FOXN3: variants seen among roughly 807,000 people sequenced by gnomAD.
FOXN3 encodes forkhead box protein N3.
In FOXN3, 7 loss-of-function variants were observed where a neutral mutation model predicts 38.4. That is an observed-to-expected ratio of 0.18 (90% CI 0.10 to 0.34). The LOEUF (loss-of-function observed/expected upper bound fraction) is 0.34, where lower values mean the gene tolerates loss of function less well. Among genes scored for constraint, FOXN3 ranks in the 10% least tolerant of loss-of-function variants. The probability of loss-of-function intolerance (pLI) is 1.00; values close to 1 mark genes in which losing one functional copy is unlikely to be tolerated. For synonymous variants in FOXN3, 230 were observed against 242.2 expected, an observed-to-expected ratio of 0.95 and a Z score of 0.47; for missense variants, 456 against 613.4, an observed-to-expected ratio of 0.74 and a Z score of 2.71.
chr14:89,601,664 T>C (rs779733855), intron 1 of FOXN3, among the ~76,000 whole-genome samples: 5 of 152,228 alleles, frequency 3.3e-5, no homozygotes, highest in Non-Finnish European at 5.9e-5. Flanking sequence ...ATTCCTCTGC[T>C]TGTTGATATG....
At chr14:89,452,434 A>T (rs1892632112) in intron 1 of FOXN3, among the ~76,000 whole-genome samples, 1 of 152,160 alleles carries the variant, frequency 6.6e-6, no homozygotes, top group Non-Finnish European at 1.5e-5. Flanking sequence ...ACCGTCATCG[A>T]CCATCACAGG....
intron 4 of FOXN3, among the ~76,000 whole-genome samples, chr14:89,280,111 C>T (rs1202818586): frequency 6.6e-6 from 1 of 152,170 alleles, no homozygotes; most frequent in Non-Finnish European, 1.5e-5. Context: ...TGACTCCTAG[C>T]CAATCAACAG....
intron 5 of FOXN3, among the ~76,000 whole-genome samples, chr14:89,179,177 G>A (rs1221079838): frequency 6.6e-6 from 1 of 152,188 alleles, no homozygotes; most frequent in Admixed American, 6.5e-5. Flanking sequence ...TGTATTTTTG[G>A]AAAATATCCC....
chr14:89,428,225 T>A, intron 1 of FOXN3, among the ~76,000 whole-genome samples: 1 of 152,224 alleles, frequency 6.6e-6, no homozygotes, highest in East Asian at 1.9e-4. Context: ...CACAAAGTTC[T>A]TTTTTGGAGA....
intron 1 of FOXN3, among the ~76,000 whole-genome samples, chr14:89,525,916 T>C (rs764065377): frequency 2.6e-5 from 4 of 151,804 alleles, no homozygotes; most frequent in Non-Finnish European, 5.9e-5. Flanking sequence ...TAAAAGATAA[T>C]ACATGGCCAA....
intron 1 of FOXN3, among the ~76,000 whole-genome samples, chr14:89,498,442 C>T (rs904328135): frequency 6.6e-6 from 1 of 151,802 alleles, no homozygotes; most frequent in African/African-American, 2.4e-5. Context: ...AGGATGGTCT[C>T]GATCCCCTAA....
intron 1 of FOXN3, among the ~76,000 whole-genome samples, chr14:89,518,723 C>G (rs1894258127): frequency 6.6e-6 from 1 of 152,152 alleles, no homozygotes. Context: ...GGAATCAGGT[C>G]TTAAAGAATA....
chr14:89,573,020 G>C (rs974283712), intron 1 of FOXN3, among the ~76,000 whole-genome samples: 4 of 152,180 alleles, frequency 2.6e-5, no homozygotes, highest in Non-Finnish European at 5.9e-5. Context: ...TTAGACCCTA[G>C]AGCAGGGCTG....
chr14:89,565,176 A>AGACTGGG (rs1164542475), intron 1 of FOXN3, among the ~76,000 whole-genome samples: 8 of 151,770 alleles, frequency 5.3e-5, no homozygotes, highest in African/African-American at 1.9e-4. Flanking sequence ...ATGGAGGCAG[A>AGACTGGG]GACTGGGGTT....
intron 3 of FOXN3, among the ~76,000 whole-genome samples, chr14:89,334,050 A>AC (rs1566959398): frequency 5.0e-5 from 5 of 99,368 alleles, no homozygotes; most frequent in Non-Finnish European, 4.7e-5. Context: ...CACACACACA[A>AC]AGGAATATTA....
At chr14:89,401,620 T>C (rs1019044835) in intron 2 of FOXN3, 1 of 455,898 alleles carries the variant, frequency 2.2e-6, no homozygotes, top group African/African-American at 2.0e-5. Flanking sequence ...GGGACTTTTC[T>C]TCCCCCTCTA....
chr14:89,201,128 C>T (rs28744478), intron 4 of FOXN3, among the ~76,000 whole-genome samples: 8,997 of 152,202 alleles, frequency 0.059, 461 homozygotes, highest in African/African-American at 0.14. Context: ...TTTTAAAGCT[C>T]CCTATAGATG....
chr14:89,429,251 C>G (rs1247856849), intron 1 of FOXN3, among the ~76,000 whole-genome samples: 2 of 152,174 alleles, frequency 1.3e-5, no homozygotes, highest in Non-Finnish European at 2.9e-5. Context: ...TTTGCTGTAG[C>G]AAGTTTCTTT....
At chr14:89,339,753 C>A (rs1888562865) in intron 3 of FOXN3, among the ~76,000 whole-genome samples, 1 of 152,246 alleles carries the variant, frequency 6.6e-6, no homozygotes, top group Admixed American at 6.5e-5. Context: ...GGTGACAGAG[C>A]CGCTGTGCCC....
intron 4 of FOXN3, among the ~76,000 whole-genome samples, chr14:89,213,348 G>C (rs887787685): frequency 9.2e-5 from 14 of 152,214 alleles, no homozygotes; most frequent in Non-Finnish European, 1.8e-4. Flanking sequence ...CTCATTCTTA[G>C]AGGCAGGCAC....
intron 1 of FOXN3, among the ~76,000 whole-genome samples, chr14:89,542,156 A>G (rs1894802455): frequency 6.6e-6 from 1 of 152,220 alleles, no homozygotes; most frequent in African/African-American, 2.4e-5. Flanking sequence ...CAATACTTGT[A>G]TATATGGGGA....
At position 89,162,856 on chromosome 14, in the gene FOXN3, T is replaced by C. The variant is rs764982279; in HGVS notation, c.965A>G (p.Asn322Ser). Residue 322 changes from asparagine to serine, a missense_variant, in exon 6 of 6, where the codon AAC (asparagine) becomes AGC (serine). By Grantham distance (46) the Asn-to-Ser change is conservative (BLOSUM62 1). This residue lies in a region of FOXN3 where 386 missense variants were observed against 505.2 expected (regional missense o/e 0.76). Transcript: ENST00000557258. The surrounding 1 kb of genome is among the most constrained non-coding windows in gnomAD (Gnocchi z 7.2). ...DHNYSSAKSS[N>S]ARSTSPTSDS... ...GCTGGTGGGCGAGGTGCTCCGGGCG[T>C]TGGAGGACTTGGCACTGCTGTAGTT... is the stretch of plus-strand genomic sequence containing the variant. The C allele has an allele frequency of 2.8e-5, 45 of 1,611,572 alleles. No homozygotes were observed. The South Asian group carries it at 4.8e-4, about 17-fold the overall frequency.
At chr14:89,566,828 T>G (rs1176302853) in intron 1 of FOXN3, among the ~76,000 whole-genome samples, 1 of 149,986 alleles carries the variant, frequency 6.7e-6, no homozygotes, top group Non-Finnish European at 1.5e-5. Flanking sequence ...CCCTACTCCC[T>G]TCCTCCTCCT....
At chr14:89,225,168 G>A (rs543794632) in intron 4 of FOXN3, among the ~76,000 whole-genome samples, 105 of 151,750 alleles carry the variant, frequency 6.9e-4, no homozygotes, top group Middle Eastern at 6.8e-3. Context: ...AGCCAGGTGT[G>A]GGGATGTGTG....
Sources: allele counts gnomAD v4.1 joint callset (sites outside exome capture counted in the v4.1 genomes callset), GRCh38; gene constraint gnomAD v4.1.1; regional missense constraint gnomAD v4.1.1; non-coding constraint Gnocchi (gnomAD v3.1); transcripts MANE v1.5; gene names NCBI Gene and HGNC (gene_info 2026-07-23, HGNC 2026-07-21).